The following SKAP2 variants were observed in gnomAD, a reference collection of about 807,000 sequenced individuals.
SKAP2 encodes src kinase-associated phosphoprotein 2.
A neutral mutation model predicts 54.9 loss-of-function variants in SKAP2; 28 were observed. The ratio of observed to expected loss-of-function variants is 0.51; its 90% confidence interval spans 0.38 to 0.70. The LOEUF (loss-of-function observed/expected upper bound fraction) is 0.70, where lower values mean the gene tolerates loss of function less well. SKAP2 is among the 30% of genes least tolerant of loss of function. SKAP2 has a pLI of 0.00. For missense variants in SKAP2, 356 were observed against 424.1 expected, an observed-to-expected ratio of 0.84 and a Z score of 1.41; for synonymous variants, 137 against 134.3, an observed-to-expected ratio of 1.02 and a Z score of -0.14.
downstream of SKAP2, among the ~76,000 whole-genome samples, chr7:26,662,621 C>A (rs1431462995): frequency 6.6e-6 from 1 of 151,996 alleles, no homozygotes; most frequent in African/African-American, 2.4e-5. Context: ...AAAATGGAAT[C>A]ATTTAATTAG....
Position 26,684,837 on chromosome 7 carries a change from T to C in SKAP2, c.886A>G (p.Thr296Ala), listed in dbSNP as rs779449511. 1.1e-5 allele frequency: 17 copies of C among 1,601,864 alleles called. 1 individual carries two copies. The South Asian group carries it at 1.8e-4, about 17-fold the overall frequency. ...SVHHTSGDKS[T>A]DYANFYQGLW... is the part of the protein sequence containing the mutation. ...CCCTGGTAAAAATTAGCATAATCAG[T>C]GCTCTTATCCCCTAGGAAGAAGAAA... is the stretch of plus-strand genomic sequence containing the variant. The change falls in exon 11 of 13, where the codon ACT becomes GCT. Residue 296 changes from threonine (T) to alanine (A), a missense_variant. Coordinates refer to ENST00000345317, the MANE Select transcript of SKAP2 (RefSeq NM_003930.5).
intron 11 of SKAP2, among the ~76,000 whole-genome samples, chr7:26,681,099 A>G (rs1786482580): frequency 6.6e-6 from 1 of 152,230 alleles, no homozygotes; most frequent in Non-Finnish European, 1.5e-5. Flanking sequence ...TGATTTTTAA[A>G]TGAAAACAAC....
At chr7:26,845,087 G>A (rs574951844) in intron 3 of SKAP2, among the ~76,000 whole-genome samples, 1 of 152,266 alleles carries the variant, frequency 6.6e-6, no homozygotes, top group Admixed American at 6.5e-5. Flanking sequence ...TTTGACTGTT[G>A]AATTCAAGTT....
chr7:26,858,559 A>C (rs1202005800), intron 1 of SKAP2, among the ~76,000 whole-genome samples: 2 of 152,164 alleles, frequency 1.3e-5, no homozygotes, highest in African/African-American at 2.4e-5. Context: ...GAGACCCCTA[A>C]GAGGCAAACA....
intron 4 of SKAP2, among the ~76,000 whole-genome samples, chr7:26,787,880 G>A (rs1380440668): frequency 6.6e-6 from 1 of 151,924 alleles, no homozygotes; most frequent in African/African-American, 2.4e-5. Flanking sequence ...CTTTTTAACC[G>A]AGTCTCGCTC....
intron 9 of SKAP2, among the ~76,000 whole-genome samples, chr7:26,707,253 G>A (rs1216327594): frequency 2.0e-5 from 3 of 152,042 alleles, no homozygotes; most frequent in South Asian, 2.1e-4. Flanking sequence ...CCAGCTATTC[G>A]GTAGGCTTAG....
chr7:26,738,754 C>A (rs1255742768), intron 6 of SKAP2, 41 bp downstream of exon 6: 24 of 1,210,244 alleles, frequency 2.0e-5, no homozygotes, highest in Non-Finnish European at 2.9e-5. Flanking sequence ...GCCAAAAATT[C>A]TTTTGCAATA....
chr7:26,750,913 C>T (rs886124165), intron 4 of SKAP2, among the ~76,000 whole-genome samples: 1 of 152,088 alleles, frequency 6.6e-6, no homozygotes, highest in South Asian at 2.1e-4. Context: ...ACAATTCTTT[C>T]ATTGATTTAC....
chr7:26,839,233 T>G (rs1298913220), intron 4 of SKAP2, among the ~76,000 whole-genome samples: 1 of 152,144 alleles, frequency 6.6e-6, no homozygotes, highest in East Asian at 1.9e-4. Flanking sequence ...GTGTACTTTA[T>G]ATCCCCAATT....
chr7:26,786,272 C>T (rs552646325), intron 4 of SKAP2, among the ~76,000 whole-genome samples: 24 of 152,120 alleles, frequency 1.6e-4, no homozygotes, highest in Non-Finnish European at 2.6e-4. Flanking sequence ...ATTAAAGATC[C>T]GCCATTCTAC....
intron 4 of SKAP2, among the ~76,000 whole-genome samples, chr7:26,790,634 A>G (rs868714156): frequency 2.4e-4 from 36 of 152,340 alleles, no homozygotes; most frequent in Middle Eastern, 3.4e-3. Context: ...AAAACATTTT[A>G]TATTTCATAC....
rs1023954622 is a variant in SKAP2, at chr7:26,849,061, T to C, written c.200-4924A>G. On this transcript the variant is annotated intron_variant, in intron 3 of 12. Coordinates refer to ENST00000345317, the MANE Select transcript of SKAP2 (RefSeq NM_003930.5). ...GTCGAAGGAAAAAGCTGTGAATTAT[T>C]TCCTCAGATTTCACTGTGGAGTTAT... 3.9e-5 allele frequency among the ~76,000 whole-genome samples: 6 copies of C among 152,328 alleles called. 1 individual carries two copies. Among genetic ancestry groups the C allele is most frequent in the East Asian group, 1.9e-4 (1 of 5,182 alleles).
rs1786588685 is a variant in SKAP2 at position 26,684,678 on chromosome 7, T to A, written c.987+58A>T. 6.7e-6 allele frequency: 7 copies of A among 1,044,952 alleles called. No homozygotes were observed. The South Asian group carries it at 9.3e-5, about 14-fold the overall frequency. 64.7% of individuals were successfully genotyped at this position (1,044,952 alleles called of 1,614,324 possible). On this transcript the variant is annotated intron_variant, in intron 11 of 12. Coordinates refer to ENST00000345317, the MANE Select transcript of SKAP2 (RefSeq NM_003930.5). The stretch of plus-strand genomic sequence containing the variant: ...CCCTAGCTCTGTAAATCCAAATGCA[T>A]TAAAAATCGAGCTTTGTATTCCCTC...
At chr7:26,835,718 A>G (rs1784693017) in intron 4 of SKAP2, among the ~76,000 whole-genome samples, 2 of 152,188 alleles carry the variant, frequency 1.3e-5, no homozygotes, top group South Asian at 4.1e-4. Flanking sequence ...AAAATATTCC[A>G]TGCTTATGGA....
chr7:26,674,273 C>T (rs920969097), intron 11 of SKAP2, among the ~76,000 whole-genome samples: 2 of 152,058 alleles, frequency 1.3e-5, no homozygotes. Context: ...GTTTAAGAAC[C>T]AATGGACTTG....
chr7:26,658,314 T>C, the SKAP2 span, among the ~76,000 whole-genome samples: 1 of 152,210 alleles, frequency 6.6e-6, no homozygotes, highest in Non-Finnish European at 1.5e-5. Flanking sequence ...GGGGGTGCCA[T>C]CTGTTTGGCA....
chr7:26,721,871 C>A (rs1044697559), intron 9 of SKAP2, among the ~76,000 whole-genome samples: 1 of 152,180 alleles, frequency 6.6e-6, no homozygotes, highest in East Asian at 1.9e-4. Context: ...TATTATTTTC[C>A]CCTTTTGAGA....
In SKAP2 at chr7:26,700,021, G is replaced by A. The variant is rs1196048502; in HGVS notation, c.797-9659C>T. ...GTGCAACTAGATTTTTGGAGCAAGTGGAATATTCTATCATATTTCATCTTG... is the reference window on the plus strand; with the variant it reads ...GTGCAACTAGATTTTTGGAGCAAGTAGAATATTCTATCATATTTCATCTTG... On this transcript the variant is annotated intron_variant, in intron 9 of 12. Transcript: ENST00000345317. 6.6e-5 allele frequency among the ~76,000 whole-genome samples: 10 copies of A among 152,178 alleles called. No homozygotes were observed. The East Asian group carries it at 1.9e-3, about 29-fold the overall frequency.
chr7:26,676,623 G>A (rs756507329), intron 11 of SKAP2, among the ~76,000 whole-genome samples: 5 of 152,112 alleles, frequency 3.3e-5, no homozygotes, highest in Non-Finnish European at 7.3e-5. Context: ...ATTTCCTGTT[G>A]TTAACTGTAT....
Sources: gnomAD v4.1 joint callset for allele counts (sites outside exome capture counted in the v4.1 genomes callset) on GRCh38, gnomAD v4.1.1 for gene constraint, MANE v1.5 for transcripts, NCBI Gene and HGNC (gene_info 2026-07-23, HGNC 2026-07-21) for gene names.